PTPRQ: variants seen among roughly 807,000 people sequenced by gnomAD.
PTPRQ encodes the protein protein tyrosine phosphatase receptor type Q, also known as phosphatidylinositol phosphatase PTPRQ.
In PTPRQ, 199 loss-of-function variants were observed where a neutral mutation model predicts 246.0. The ratio of observed to expected loss-of-function variants is 0.81; its 90% CI spans 0.72 to 0.91. The LOEUF is 0.91. PTPRQ is among the 40% of genes least tolerant of loss of function. The pLI is 0.00. For missense variants in PTPRQ, 2,624 were observed against 2,528.4 expected (o/e 1.04, Z -0.81); for synonymous variants, 869 against 853.2 (o/e 1.02, Z -0.32).
intron 3 of PTPRQ, among the ~76,000 whole-genome samples, chr12:80,456,335 C>G (rs1451892481): frequency 6.6e-6 from 1 of 151,948 alleles, no homozygotes; most frequent in African/African-American, 2.4e-5. Context: ...AAATTCTTAC[C>G]TATGTAGAAG....
At chr12:80,454,575 C>T (rs1294291361) in intron 3 of PTPRQ, 1 of 702,182 alleles carries the variant, frequency 1.4e-6, no homozygotes, top group Admixed American at 2.0e-5. Context: ...TTAAACTTTT[C>T]TCCGTTTAGG....
chr12:80,572,298 G>A (rs975080476), intron 25 of PTPRQ, among the ~76,000 whole-genome samples: 1 of 151,876 alleles, frequency 6.6e-6, no homozygotes, highest in Non-Finnish European at 1.5e-5. Context: ...AAATAGAATT[G>A]ATTTTAGTCA....
At chr12:80,494,685 T>G (rs1375987781) in intron 10 of PTPRQ, among the ~76,000 whole-genome samples, 1 of 151,972 alleles carries the variant, frequency 6.6e-6, no homozygotes, top group East Asian at 1.9e-4. Flanking sequence ...AATTATATTA[T>G]GAACACAAAA....
At chr12:80,478,162 C>CCAG (rs1893888146) in intron 8 of PTPRQ, among the ~76,000 whole-genome samples, 2 of 148,268 alleles carry the variant, frequency 1.3e-5, no homozygotes, top group South Asian at 4.2e-4. Flanking sequence ...AGTGGTTCTC[C>CCAG]CAGCACGCAG....
chr12:80,559,225 T>C (rs1043773390), intron 25 of PTPRQ, among the ~76,000 whole-genome samples: 2 of 152,102 alleles, frequency 1.3e-5, no homozygotes, highest in African/African-American at 4.8e-5. Context: ...TTTGTATTTT[T>C]AGTAGAGGCA....
intron 8 of PTPRQ, among the ~76,000 whole-genome samples, chr12:80,481,592 C>T (rs10862137): frequency 0.31 from 46,867 of 151,642 alleles, 8,870 homozygotes; most frequent in African/African-American, 0.53. Context: ...ATTGTCCCTG[C>T]TTGCAGATGA....
chr12:80,542,101 C>T lies in PTPRQ; in HGVS notation c.3458C>T (p.Ser1153Leu), dbSNP rs1896172233. ...IKTEEDVPET[S>L]PIINTFKNLS... Reference sequence around the variant, plus strand: ...TTTTCTTTTATAGTCCCAGAAACTTCACCAATAATCAACACTTTTAAAAAC... The same window carrying T: ...TTTTCTTTTATAGTCCCAGAAACTTTACCAATAATCAACACTTTTAAAAAC... The change falls in exon 22 of 45, where the codon TCA becomes TTA. Residue 1153 changes from serine to leucine, a missense_variant. By Grantham distance (145) the Ser-to-Leu change is moderately radical. Transcript: ENST00000644991. The T allele has an allele frequency of 6.5e-7, 1 of 1,545,932 alleles. No homozygotes were observed. Among genetic ancestry groups the T allele is most frequent in the South Asian group, 1.2e-5 (1 of 81,766 alleles).
At chr12:80,673,330 T>G in intron 43 of PTPRQ, 26 bp downstream of exon 43, 1 of 1,534,876 alleles carries the variant, frequency 6.5e-7, no homozygotes, top group Middle Eastern at 1.7e-4. Flanking sequence ...CTGCACTGCA[T>G]TCTAAAGTTC....
intron 39 of PTPRQ, among the ~76,000 whole-genome samples, chr12:80,667,476 T>G (rs1248513311): frequency 6.6e-6 from 1 of 151,998 alleles, no homozygotes; most frequent in African/African-American, 2.4e-5. Context: ...CTCATAGCCC[T>G]TATCACTTTT....
chr12:80,652,458 T>C (rs1294767688), intron 37 of PTPRQ, among the ~76,000 whole-genome samples: 1 of 152,070 alleles, frequency 6.6e-6, no homozygotes, highest in Non-Finnish European at 1.5e-5. Context: ...TAGTAACATA[T>C]GTAAAATGGT....
intron 9 of PTPRQ, among the ~76,000 whole-genome samples, chr12:80,485,874 G>C (rs888849382): frequency 2.0e-5 from 3 of 152,084 alleles, no homozygotes; most frequent in Non-Finnish European, 4.4e-5. Context: ...AGAGGTTCTA[G>C]AAAGGCTTTT....
intron 14 of PTPRQ, among the ~76,000 whole-genome samples, chr12:80,504,146 C>A (rs1243074106): frequency 4.0e-5 from 6 of 151,634 alleles, no homozygotes; most frequent in South Asian, 2.1e-4. Flanking sequence ...CTATTTTAGA[C>A]CCCCTCCGGA....
intron 26 of PTPRQ, among the ~76,000 whole-genome samples, chr12:80,592,446 G>C (rs1246955720): frequency 6.6e-6 from 1 of 150,398 alleles, no homozygotes; most frequent in African/African-American, 2.4e-5. Context: ...ATTATATTAA[G>C]TCAGGAAGAG....
chr12:80,469,392 T>C (rs1353324595), intron 7 of PTPRQ, among the ~76,000 whole-genome samples: 2 of 152,172 alleles, frequency 1.3e-5, no homozygotes, highest in Non-Finnish European at 2.9e-5. Flanking sequence ...GACCTGGGCA[T>C]CCACTTGCCA....
intron 35 of PTPRQ, among the ~76,000 whole-genome samples, chr12:80,638,915 G>A (rs1899755724): frequency 6.6e-6 from 1 of 152,074 alleles, no homozygotes; most frequent in Non-Finnish European, 1.5e-5. Context: ...AACATTTTGG[G>A]CTCATCTGTT....
At chr12:80,548,795 A>C (rs1264768958) in intron 24 of PTPRQ, among the ~76,000 whole-genome samples, 1 of 152,080 alleles carries the variant, frequency 6.6e-6, no homozygotes, top group East Asian at 1.9e-4. Context: ...ATGTGCAGTC[A>C]CTTTGGTGGG....
chr12:80,592,560 T>C (rs1897835037), intron 26 of PTPRQ, among the ~76,000 whole-genome samples: 1 of 152,046 alleles, frequency 6.6e-6, no homozygotes, highest in Non-Finnish European at 1.5e-5. Flanking sequence ...GTAACGGAAG[T>C]CTTGAAGAGC....
At chr12:80,532,357 G>A (rs1459449876) in intron 17 of PTPRQ, among the ~76,000 whole-genome samples, 1 of 151,964 alleles carries the variant, frequency 6.6e-6, no homozygotes, top group African/African-American at 2.4e-5. Context: ...TGAAAGCTGG[G>A]ACCACAGGTC....
intron 38 of PTPRQ, among the ~76,000 whole-genome samples, chr12:80,655,518 G>A (rs1022862171): frequency 1.3e-5 from 2 of 151,890 alleles, no homozygotes; most frequent in Non-Finnish European, 2.9e-5. Context: ...AAACCAAGCC[G>A]TAAAGTCACA....
Sources: allele counts gnomAD v4.1 joint callset (sites outside exome capture counted in the v4.1 genomes callset), GRCh38; gene constraint gnomAD v4.1.1; transcripts MANE v1.5; gene names NCBI Gene and HGNC (gene_info 2026-07-23, HGNC 2026-07-21).